Variants in TFG observed in about 807,000 individuals in gnomAD.
TFG encodes the protein protein TFG.
A neutral mutation model predicts 51.4 loss-of-function variants in TFG; 22 were observed. The observed-to-expected ratio is 0.43, with a 90% CI of 0.31 to 0.61. The LOEUF is 0.61. Ranked by LOEUF, TFG falls within the 20% of genes least tolerant of loss-of-function variation. The pLI is 0.12. For synonymous variants in TFG, 187 were observed against 165.6 expected (o/e 1.13, Z -0.99); for missense variants, 419 against 487.7 (o/e 0.86, Z 1.33).
chr3:100,720,929 CATTA>C (rs750529550), intron 3 of TFG, among the ~76,000 whole-genome samples: 23 of 151,712 alleles, frequency 1.5e-4, no homozygotes, highest in Admixed American at 5.3e-4. Flanking sequence ...TTTTGTTTAG[CATTA>C]ATTTTATTTT....
intron 7 of TFG, among the ~76,000 whole-genome samples, chr3:100,747,807 C>T (rs1403635176): frequency 1.3e-5 from 2 of 152,064 alleles, no homozygotes; most frequent in African/African-American, 2.4e-5. Flanking sequence ...GTAGGTCTCC[C>T]CTGAAAACCT....
chr3:100,728,314 T>C (rs1338677728), intron 3 of TFG, among the ~76,000 whole-genome samples: 6 of 151,192 alleles, frequency 4.0e-5, no homozygotes. Flanking sequence ...ATGAGCTTTT[T>C]AAGTTATATA....
rs776179502 is a variant in TFG, at chr3:100,713,652, A to G, written c.-34A>G. Reference sequence around the variant, plus strand: ...AAACCACTTTTATCAGTCTTTCTCTAGAGTTGTATATATAGAACATCCTGG... The same window carrying G: ...AAACCACTTTTATCAGTCTTTCTCTGGAGTTGTATATATAGAACATCCTGG... On this transcript the variant is annotated 5_prime_UTR_variant, in exon 2 of 8. Transcript: ENST00000240851. 3 of 1,424,734 alleles carry G rather than the reference A, an allele frequency of 2.1e-6. No homozygotes were observed. Among genetic ancestry groups the G allele is most frequent in the Non-Finnish European group, 2.8e-6 (3 of 1,066,050 alleles). The allele number at this position is 1,424,734 out of a possible 1,614,324, so 88.3% of individuals were successfully genotyped here. A position where few individuals can be genotyped will look rare whatever the true frequency, so the allele number is the denominator to read the frequency against.
intron 6 of TFG, chr3:100,743,828 T>A (rs968186055): frequency 2.0e-5 from 3 of 151,872 alleles, no homozygotes; most frequent in Admixed American, 6.6e-5. Context: ...ACTTCAGCAG[T>A]AAGTATCTGG....
At chr3:100,729,069 A>G (rs1214280989) in intron 4 of TFG, among the ~76,000 whole-genome samples, 1 of 152,132 alleles carries the variant, frequency 6.6e-6, no homozygotes, top group Non-Finnish European at 1.5e-5. Flanking sequence ...TCTGGATCTC[A>G]TCATAGACCT....
In TFG at chr3:100,732,520, G is replaced by A. The variant is rs2095094438; in HGVS notation, c.428G>A (p.Gly143Asp). 6.2e-7 allele frequency: 1 copy of A among 1,609,240 alleles called. No homozygotes were observed. Among genetic ancestry groups the A allele is most frequent in the Non-Finnish European group, 8.5e-7 (1 of 1,178,208 alleles). The change falls in exon 5 of 8, where the codon GGT (glycine) becomes GAT (aspartate). Residue 143 changes from glycine (G) to aspartate (D), a missense_variant. Physicochemically the swap from Gly to Asp is moderately conservative, Grantham distance 94. Around this residue, in one of 3 missense-constraint regions of TFG, gnomAD observed 391 missense variants for 434.4 expected, o/e 0.90. Coordinates refer to ENST00000240851, the MANE Select transcript of TFG (RefSeq NM_006070.6). The stretch of plus-strand genomic sequence containing the variant: ...TCTATTTTTACAGATACTGTGGATG[G>A]TAGGGAAGAAAAGTCTGCTTCTGAT... ...TNIPENDTVD[G>D]REEKSASDSS...
Position 100,748,456 on chromosome 3 carries a change from T to A in TFG, c.1128T>A (p.Ser376Arg). The change falls in exon 8 of 8, where the codon AGT becomes AGA. Residue 376 changes from serine (S) to arginine (R), a missense_variant. Ser to Arg is a moderately radical substitution (Grantham distance 110). Around this residue, in one of 3 missense-constraint regions of TFG, gnomAD observed 391 missense variants for 434.4 expected, o/e 0.90. Transcript: ENST00000240851. Reference protein sequence around the residue: ...LPGSTMTPPPSGPNPYARNRP... With the variant: ...LPGSTMTPPPRGPNPYARNRP... ...GAAGTACCATGACCCCTCCTCCAAG[T>A]GGGCCTAATCCTTATGCGCGTAACC... 1 of 1,614,126 alleles carries A rather than the reference T, an allele frequency of 6.2e-7. No individual in the cohort carries two copies. The highest frequency in any genetic ancestry group is 2.2e-5 in the East Asian group (1 of 44,874).
rs2095023314 is a variant in TFG at position 100,709,606 on chromosome 3, G to A, written c.-159G>A. 1 of 151,698 alleles carries A rather than the reference G, an allele frequency of 6.6e-6. No individual in the cohort carries two copies. Among genetic ancestry groups the A allele is most frequent in the Non-Finnish European group, 1.5e-5 (1 of 67,928 alleles). 9.4% of individuals were successfully genotyped at this position (151,698 alleles called of 1,614,324 possible). ...CGAGCGAGGTGCGGCGGTCGCGAAG[G>A]GCAACCGAGGGGGCCGTGACCACCG... On this transcript the variant is annotated 5_prime_UTR_variant, in exon 1 of 8. Transcript: ENST00000240851.
intron 3 of TFG, among the ~76,000 whole-genome samples, chr3:100,721,165 T>G (rs1174674811): frequency 6.6e-6 from 1 of 152,236 alleles, no homozygotes; most frequent in African/African-American, 2.4e-5. Flanking sequence ...TAAAGCAGAT[T>G]AGATAATCTG....
intron 5 of TFG, among the ~76,000 whole-genome samples, 194 bp downstream of exon 5, chr3:100,732,866 A>G (rs1348161912): frequency 2.0e-5 from 3 of 152,214 alleles, no homozygotes; most frequent in Non-Finnish European, 4.4e-5. Context: ...GATGATTTCC[A>G]GCACTTCAGA....
At chr3:100,725,031 G>GT (rs1452195982) in intron 3 of TFG, among the ~76,000 whole-genome samples, 1 of 152,198 alleles carries the variant, frequency 6.6e-6, no homozygotes, top group Admixed American at 6.5e-5. Flanking sequence ...AGCTTCCCGA[G>GT]TAGCTGGGAC....
intron 1 of TFG, chr3:100,710,277 T>G (rs1426634518): frequency 6.6e-6 from 1 of 152,254 alleles, no homozygotes; most frequent in African/African-American, 2.4e-5. Flanking sequence ...TTTAAGAGTT[T>G]GCTTTGCTGG....
chr3:100,748,744 CTTAG>C lies in TFG; in HGVS notation c.*217_*220del. On this transcript the variant is annotated 3_prime_UTR_variant, in exon 8 of 8. Transcript: ENST00000240851. ...TCCCTGCTTAAAAATGTAGCAGCTT[CTTAG>C]TTACTTTGGAACACTACTCTTACAT... 1.8e-6 allele frequency: 1 copy of C among 550,252 alleles called. No individual in the cohort carries two copies. Among genetic ancestry groups the C allele is most frequent in the Non-Finnish European group, 3.1e-6 (1 of 319,422 alleles). 34.1% of individuals were successfully genotyped at this position (550,252 alleles called of 1,614,324 possible). A position where few individuals can be genotyped will look rare whatever the true frequency, so the allele number is the denominator to read the frequency against.
At chr3:100,733,416 A>T (rs771329796) in intron 5 of TFG, among the ~76,000 whole-genome samples, 2 of 152,130 alleles carry the variant, frequency 1.3e-5, no homozygotes, top group African/African-American at 4.8e-5. Flanking sequence ...TAGAATTTCC[A>T]TTGGGTTTTT....
intron 3 of TFG, among the ~76,000 whole-genome samples, chr3:100,727,278 A>G (rs1256832359): frequency 2.0e-5 from 3 of 152,152 alleles, no homozygotes; most frequent in Non-Finnish European, 4.4e-5. Flanking sequence ...AATATTGGAG[A>G]AAAAACAGTA....
intron 3 of TFG, among the ~76,000 whole-genome samples, chr3:100,725,082 A>G (rs1047771570): frequency 1.3e-5 from 2 of 151,820 alleles, no homozygotes; most frequent in African/African-American, 4.8e-5. Context: ...TTGTTTTTGT[A>G]TTTTTAGTAG....
chr3:100,737,209 AAAAG>A (rs1258584225), intron 6 of TFG, among the ~76,000 whole-genome samples: 9 of 152,214 alleles, frequency 5.9e-5, no homozygotes, highest in Non-Finnish European at 1.3e-4. Flanking sequence ...TTAATGGAAA[AAAAG>A]CAGTGTATTT....
At chr3:100,732,894 C>A (rs2095095808) in intron 5 of TFG, among the ~76,000 whole-genome samples, 1 of 152,162 alleles carries the variant, frequency 6.6e-6, no homozygotes, top group African/African-American at 2.4e-5. Context: ...CTTATGTCCT[C>A]TCCCCAAGAG....
At chr3:100,713,179 A>G (rs2095035590) in intron 1 of TFG, among the ~76,000 whole-genome samples, 1 of 152,206 alleles carries the variant, frequency 6.6e-6, no homozygotes, top group Non-Finnish European at 1.5e-5. Context: ...GCTTGAATCA[A>G]GTTGATAGCA....
Sources: gnomAD v4.1 joint callset for allele counts (sites outside exome capture counted in the v4.1 genomes callset) on GRCh38, gnomAD v4.1.1 for gene constraint, gnomAD v4.1.1 regional missense constraint, MANE v1.5 for transcripts, NCBI Gene and HGNC (gene_info 2026-07-23, HGNC 2026-07-21) for gene names.